The following NAP1L1 variants were observed in gnomAD, a reference collection of about 807,000 sequenced individuals.
The protein encoded by NAP1L1 is nucleosome assembly protein 1 like 1.
In NAP1L1, 9 loss-of-function variants were observed where a neutral mutation model predicts 58.9. The ratio of observed to expected loss-of-function variants is 0.15; its 90% CI spans 0.09 to 0.27. NAP1L1 has a LOEUF of 0.27. Ranked by LOEUF, NAP1L1 falls within the 10% of genes least tolerant of loss-of-function variation. The pLI, the probability that NAP1L1 is intolerant of heterozygous loss-of-function variation, is 1.00. For missense variants in NAP1L1, 302 were observed against 458.8 expected (o/e 0.66, Z 3.12); for synonymous variants, 130 against 138.3 (o/e 0.94, Z 0.42).
intron 1 of NAP1L1, among the ~76,000 whole-genome samples, chr12:76,075,943 C>T (rs921693338): frequency 3.3e-5 from 5 of 152,036 alleles, no homozygotes; most frequent in South Asian, 2.1e-4. Context: ...GCAGAAGGAC[C>T]GCTTGAGGCC....
rs1337391775 is a variant in NAP1L1, at chr12:76,047,317, A to G, written c.*1112T>C. 3.3e-5 allele frequency: 5 copies of G among 152,380 alleles called. No individual in the cohort carries two copies. The highest frequency in any genetic ancestry group is 1.2e-4 in the African/African-American group (5 of 41,448). 9.4% of individuals were successfully genotyped at this position (152,380 alleles called of 1,614,324 possible). A position where few individuals can be genotyped will look rare whatever the true frequency, so the allele number is the denominator to read the frequency against. On this transcript the variant is annotated 3_prime_UTR_variant, in exon 15 of 15. Transcript: ENST00000618691. Reference sequence around the variant, plus strand: ...TCATACTTTAAGCAATAAGAATTAGAAGAAACCATAGAAGCTTGGGGCCTT... The same window carrying G: ...TCATACTTTAAGCAATAAGAATTAGGAGAAACCATAGAAGCTTGGGGCCTT...
intron 4 of NAP1L1, among the ~76,000 whole-genome samples, chr12:76,064,709 T>C (rs1025430127): frequency 6.6e-6 from 1 of 151,980 alleles, no homozygotes. Context: ...AACTATGTAC[T>C]AATCAATTTT....
Position 76,081,307 on chromosome 12 carries a change from TAAGTA to T in NAP1L1, c.-21+3255_-21+3259del, listed in dbSNP as rs570798556. On this transcript the variant is annotated intron_variant, in intron 1 of 14. Coordinates refer to ENST00000618691, the MANE Select transcript of NAP1L1 (RefSeq NM_004537.7). Reference sequence around the variant, plus strand: ...TTAAAATGTTGATGCTACCTGTCTCTAAGTAAATTAAATGAGCTAATAATACACAC... The same window carrying T: ...TTAAAATGTTGATGCTACCTGTCTCTAATTAAATGAGCTAATAATACACAC... 3.7e-3 allele frequency among the ~76,000 whole-genome samples: 570 copies of T among 152,346 alleles called. 4 individuals are homozygous for T. The highest frequency in any genetic ancestry group is 5.1e-3 in the Admixed American group (78 of 15,308).
intron 12 of NAP1L1, 28 bp downstream of exon 12, chr12:76,050,503 T>C: frequency 6.3e-7 from 1 of 1,590,832 alleles, no homozygotes; most frequent in African/African-American, 1.4e-5. Flanking sequence ...CAACCAATTA[T>C]TTCTTTGCAG....
intron 11 of NAP1L1, among the ~76,000 whole-genome samples, chr12:76,052,159 A>G (rs1948870210): frequency 6.6e-6 from 1 of 152,194 alleles, no homozygotes; most frequent in Admixed American, 6.5e-5. Context: ...ATAAATAGAA[A>G]AATCCAAAAG....
chr12:76,043,963 T>C lies in NAP1L1; in HGVS notation c.*4466A>G, dbSNP rs1948574734. ...TCACGTTTAATCACACATTCCTAGT[T>C]CCTTCTTTTTGGCTTTAAGTTTAAA... On this transcript the variant is annotated 3_prime_UTR_variant, in exon 15 of 15. Transcript: ENST00000618691. 6.6e-6 allele frequency: 1 copy of C among 152,192 alleles called. No homozygotes were observed. The highest frequency in any genetic ancestry group is 2.4e-5 in the African/African-American group (1 of 41,448). 9.4% of individuals were successfully genotyped at this position (152,192 alleles called of 1,614,324 possible). A position where few individuals can be genotyped will look rare whatever the true frequency, so the allele number is the denominator to read the frequency against.
In NAP1L1 at chr12:76,081,068, G is replaced by T. The variant is rs895293469; in HGVS notation, c.-21+3499C>A. 5.0e-5 allele frequency among the ~76,000 whole-genome samples: 4 copies of T among 80,710 alleles called. No individual in the cohort carries two copies. The Admixed American group carries it at 5.8e-4, about 12-fold the overall frequency. The allele number at this position is 80,710 out of a possible 152,430, so 52.9% of individuals were successfully genotyped here. A position where few individuals can be genotyped will look rare whatever the true frequency, so the allele number is the denominator to read the frequency against. On this transcript the variant is annotated intron_variant, in intron 1 of 14. Transcript: ENST00000618691. Reference sequence around the variant, plus strand: ...GATTTCTCAGCCTCTATAACTGCAAGAAATAAATTCTTTTTTTTTAAATAA... The same window carrying T: ...GATTTCTCAGCCTCTATAACTGCAATAAATAAATTCTTTTTTTTTAAATAA...
Position 76,067,371 on chromosome 12 carries a change from CT to C in NAP1L1, c.205del (p.Ser69AlafsTer5). 1 of 1,598,456 alleles carries C rather than the reference CT, an allele frequency of 6.3e-7. No homozygotes were observed. The highest frequency in any genetic ancestry group is 1.1e-5 in the South Asian group (1 of 89,814). ...AATAAGGACTATGGAAAAGCTGTACCTTTCAATGTATCCTGTTGGTGTTTCT... is the reference window on the plus strand; with the variant it reads ...AATAAGGACTATGGAAAAGCTGTACCTTCAATGTATCCTGTTGGTGTTTCT... ...LVETPTGYIE[S>X]LPRVVKRRVN... On this transcript the variant is annotated frameshift_variant and splice_region_variant, in exon 4 of 15. Coordinates refer to ENST00000618691, the MANE Select transcript of NAP1L1 (RefSeq NM_004537.7). LOFTEE classifies it high-confidence loss of function.
chr12:76,052,665 A>G (rs1365379372), intron 11 of NAP1L1, among the ~76,000 whole-genome samples: 1 of 152,174 alleles, frequency 6.6e-6, no homozygotes, highest in East Asian at 1.9e-4. Flanking sequence ...GGAACATTTC[A>G]TGTTCTTTGC....
rs1415693629 is a variant in NAP1L1, at chr12:76,039,849, TTGC to T, written c.*8577_*8579del. On this transcript the variant is annotated 3_prime_UTR_variant, in exon 15 of 15. Coordinates refer to ENST00000618691, the MANE Select transcript of NAP1L1 (RefSeq NM_004537.7). ...AAACGAACACTTAGTTCTCCCCAAA[TTGC>T]TGATTAATACTGTAAACTGAAATCC... 2 of 152,220 alleles carry T rather than the reference TTGC, an allele frequency of 1.3e-5. No individual in the cohort carries two copies. The highest frequency in any genetic ancestry group is 2.4e-5 in the African/African-American group (1 of 41,474). 9.4% of individuals were successfully genotyped at this position (152,220 alleles called of 1,614,324 possible).
In NAP1L1 at chr12:76,050,516, T is replaced by C. The variant is rs182102874; in HGVS notation, c.1059+15A>G. 1.3e-6 allele frequency: 2 copies of C among 1,596,920 alleles called. No individual in the cohort carries two copies. The highest frequency in any genetic ancestry group is 1.7e-6 in the Non-Finnish European group (2 of 1,174,596). ...CTCAACCAATTATTTCTTTGCAGGA[T>C]TCAAATTCGCTTACATCATCATCAT... On this transcript the variant is annotated intron_variant, in intron 12 of 14. Coordinates refer to ENST00000618691, the MANE Select transcript of NAP1L1 (RefSeq NM_004537.7).
At chr12:76,084,286 C>T (rs1012330482) in intron 1 of NAP1L1, among the ~76,000 whole-genome samples, 7 of 152,304 alleles carry the variant, frequency 4.6e-5, no homozygotes, top group African/African-American at 1.2e-4. Flanking sequence ...GCGGAAAAGA[C>T]GGTGGAGCTC....
chr12:76,071,684 G>A (rs1264738691), intron 2 of NAP1L1, among the ~76,000 whole-genome samples: 4 of 152,152 alleles, frequency 2.6e-5, no homozygotes, highest in African/African-American at 7.2e-5. Context: ...CAAGGGGTGG[G>A]ACAGGAGAGA....
intron 6 of NAP1L1, chr12:76,057,294 A>G (rs995823140): frequency 3.2e-6 from 1 of 316,054 alleles, no homozygotes; most frequent in Non-Finnish European, 6.2e-6. Context: ...TGTCTCTTAA[A>G]CAAAAAAACT....
At chr12:76,050,437 T>C (rs1425310348) in intron 12 of NAP1L1, 94 bp downstream of exon 12, 2 of 1,433,540 alleles carry the variant, frequency 1.4e-6, no homozygotes, top group African/African-American at 2.9e-5. Context: ...AATTATATTA[T>C]GTCCTGCTTC....
At chr12:76,077,284 A>G (rs1373672879) in intron 1 of NAP1L1, among the ~76,000 whole-genome samples, 1 of 152,206 alleles carries the variant, frequency 6.6e-6, no homozygotes, top group Non-Finnish European at 1.5e-5. Flanking sequence ...TAACCTGCCC[A>G]TTCTGGCTAC....
intron 1 of NAP1L1, among the ~76,000 whole-genome samples, chr12:76,077,709 C>T (rs1266040158): frequency 3.3e-5 from 5 of 151,930 alleles, no homozygotes; most frequent in South Asian, 4.1e-4. Flanking sequence ...TATGGCCGGA[C>T]GCAGTGGCTC....
At chr12:76,058,971 G>T (rs1949276235) in intron 6 of NAP1L1, among the ~76,000 whole-genome samples, 1 of 152,136 alleles carries the variant, frequency 6.6e-6, no homozygotes, top group Non-Finnish European at 1.5e-5. Context: ...AGATTATTTG[G>T]TAAAGTATAC....
Position 76,043,893 on chromosome 12 carries a change from A to G in NAP1L1, c.*4536T>C, listed in dbSNP as rs555871649. 7.2e-5 allele frequency: 11 copies of G among 152,356 alleles called. No homozygotes were observed. The highest frequency in any genetic ancestry group is 4.1e-4 in the South Asian group (2 of 4,828). 9.4% of individuals were successfully genotyped at this position (152,356 alleles called of 1,614,324 possible). A position where few individuals can be genotyped will look rare whatever the true frequency, so the allele number is the denominator to read the frequency against. On this transcript the variant is annotated 3_prime_UTR_variant, in exon 15 of 15. Coordinates refer to ENST00000618691, the MANE Select transcript of NAP1L1 (RefSeq NM_004537.7). ...TACATTATGAATGATAAAATTATGA[A>G]TAAGACCTTCAACTCTGGATATGAG...
Sources: allele counts gnomAD v4.1 joint callset (sites outside exome capture counted in the v4.1 genomes callset), GRCh38; gene constraint gnomAD v4.1.1; transcripts MANE v1.5; gene names NCBI Gene and HGNC (gene_info 2026-07-23, HGNC 2026-07-21).